PALB2: variants seen among roughly 807,000 people sequenced by gnomAD.
The protein encoded by PALB2 is mutant partner and localizer of BRCA2.
PALB2 carries 82 observed loss-of-function variants against 107.4 expected under a neutral mutation model. The observed-to-expected ratio is 0.76, with a 90% confidence interval of 0.64 to 0.92. PALB2 has a LOEUF of 0.92. Ranked by LOEUF, PALB2 falls within the 40% of genes least tolerant of loss-of-function variation. PALB2 has a pLI of 0.00. For missense variants in PALB2, 1,374 were observed against 1,379.9 expected (o/e 1.00, Z 0.07); for synonymous variants, 489 against 496.8 (o/e 0.98, Z 0.21).
At chr16:23,613,739 G>T (rs1966628890) in intron 11 of PALB2, among the ~76,000 whole-genome samples, 1 of 152,092 alleles carries the variant, frequency 6.6e-6, no homozygotes, top group African/African-American at 2.4e-5. Context: ...AGTCAAGTCT[G>T]ATAACAGGCA....
intron 12 of PALB2, among the ~76,000 whole-genome samples, chr16:23,606,132 T>A (rs1446290760): frequency 1.3e-5 from 2 of 152,174 alleles, no homozygotes; most frequent in African/African-American, 4.8e-5. Context: ...CAGTTATCTT[T>A]ATCTTTAATC....
At chr16:23,624,285 C>G (rs1966830747) in intron 7 of PALB2, among the ~76,000 whole-genome samples, 191 bp from the exon 8 acceptor site, 1 of 152,178 alleles carries the variant, frequency 6.6e-6, no homozygotes, top group African/African-American at 2.4e-5. Context: ...CATAATAGTG[C>G]TTACTGAGCA....
chr16:23,603,444 T>C lies in PALB2; in HGVS notation c.*15A>G, dbSNP rs943559354. 3.7e-6 allele frequency: 6 copies of C among 1,603,028 alleles called. No homozygotes were observed. The African/African-American group carries it at 8.0e-5, about 21-fold the overall frequency. ...CCAATATATCCAGAAAATTGTGTTTTCACTTTACCCTAACTTATGAATAGT... is the reference window on the plus strand; with the variant it reads ...CCAATATATCCAGAAAATTGTGTTTCCACTTTACCCTAACTTATGAATAGT... On this transcript the variant is annotated 3_prime_UTR_variant, in exon 13 of 13. Coordinates refer to ENST00000261584, the MANE Select transcript of PALB2 (RefSeq NM_024675.4).
chr16:23,629,706 G>C lies in PALB2; in HGVS notation c.2448C>G (p.Phe816Leu), dbSNP rs876659879. Residue 816 changes from phenylalanine (F) to leucine (L), a missense_variant, in exon 5 of 13, where the codon TTC (phenylalanine) becomes TTG (leucine). Transcript: ENST00000261584. ...PPGTPPPIES[F>L]TFKENQLCRN... is the part of the protein sequence containing the mutation. ...TACAGAGCTGATTTTCTTTAAAAGT[G>C]AATGACTCAATGGGTGGAGGTGTTC... The C allele has an allele frequency of 2.5e-6, 4 of 1,614,224 alleles. No individual in the cohort carries two copies. The highest frequency in any genetic ancestry group is 1.7e-6 in the Non-Finnish European group (2 of 1,180,038).
Position 23,641,237 on chromosome 16 carries a change from G to A in PALB2, c.-80C>T, listed in dbSNP as rs2140961260. Reference sequence around the variant, plus strand: ...ACCGGGACCCAGTTGGCCCTGGGCCGGGGAGGCGCCCCAGGAAGGAATGGG... The same window carrying A: ...ACCGGGACCCAGTTGGCCCTGGGCCAGGGAGGCGCCCCAGGAAGGAATGGG... On this transcript the variant is annotated 5_prime_UTR_variant, in exon 1 of 13. Transcript: ENST00000261584. The A allele has an allele frequency of 1.9e-6, 3 of 1,548,040 alleles. No homozygotes were observed. The highest frequency in any genetic ancestry group is 1.9e-5 in the Admixed American group (1 of 53,502).
intron 6 of PALB2, 59 bp from the exon 7 acceptor site, chr16:23,626,456 A>T (rs371085248): frequency 6.3e-7 from 1 of 1,577,432 alleles, no homozygotes; most frequent in South Asian, 1.1e-5. Flanking sequence ...TATGCAAAGC[A>T]TAAGTATGCA....
intron 11 of PALB2, among the ~76,000 whole-genome samples, chr16:23,608,797 T>TACACACACACACACACACACAC (rs1310999089): frequency 0.018 from 2,021 of 111,200 alleles, 51 homozygotes; most frequent in African/African-American, 0.058. Context: ...TGTGTGTATA[T>TACACACACACACACACACACAC]ATATACACAC....
Position 23,641,256 on chromosome 16 carries a change from G to A in PALB2, c.-99C>T. 6.8e-7 allele frequency: 1 copy of A among 1,469,748 alleles called. No homozygotes were observed. The highest frequency in any genetic ancestry group is 9.3e-7 in the Non-Finnish European group (1 of 1,072,274). The allele number at this position is 1,469,748 out of a possible 1,614,324, so 91.0% of individuals were successfully genotyped here. ...TGGGCCGGGGAGGCGCCCCAGGAAG[G>A]AATGGGGAGCCCGGGATCGCACCCT... is the stretch of plus-strand genomic sequence containing the variant. On this transcript the variant is annotated 5_prime_UTR_variant, in exon 1 of 13. Coordinates refer to ENST00000261584, the MANE Select transcript of PALB2 (RefSeq NM_024675.4).
rs1597098242 is a variant in PALB2 at position 23,635,741 on chromosome 16, C to T, written c.805G>A (p.Gly269Ser). 6.2e-7 allele frequency: 1 copy of T among 1,614,002 alleles called. No individual in the cohort carries two copies. Among genetic ancestry groups the T allele is most frequent in the Non-Finnish European group, 8.5e-7 (1 of 1,180,046 alleles). Reference sequence around the variant, plus strand: ...TCGTGAGTAGTAAGTTCACTGCTACCTTTAGGAGGAATGTGTTCAAGGTGC... The same window carrying T: ...TCGTGAGTAGTAAGTTCACTGCTACTTTTAGGAGGAATGTGTTCAAGGTGC... ...SQHLEHIPPK[G>S]SSELTTHDLK... The change falls in exon 4 of 13, where the codon GGT becomes AGT. Residue 269 changes from glycine to serine, a missense_variant. Physicochemically the swap from Gly to Ser is moderately conservative, Grantham distance 56. Coordinates refer to ENST00000261584, the MANE Select transcript of PALB2 (RefSeq NM_024675.4).
intron 4 of PALB2, among the ~76,000 whole-genome samples, chr16:23,631,936 T>A (rs1433827082): frequency 1.3e-5 from 2 of 152,150 alleles, no homozygotes; most frequent in Non-Finnish European, 2.9e-5. Context: ...AACCTCTGCC[T>A]CCCAGGCTCA....
At position 23,636,099 on chromosome 16, in the gene PALB2, C is replaced by T. The variant is rs1555461793; in HGVS notation, c.447G>A (p.Lys149=). ...GTGAAATAAATGTCCTCTTCTGCTG[C>T]TTCTTTCTTCTGCTTGGCAGCTTCT... is the stretch of plus-strand genomic sequence containing the variant. ...QKQKLPSRRK[K]QQKRTFISQE... Residue 149 remains lysine, a synonymous_variant, in exon 4 of 13, where the codon AAG becomes AAA. Coordinates refer to ENST00000261584, the MANE Select transcript of PALB2 (RefSeq NM_024675.4). 6.2e-7 allele frequency: 1 copy of T among 1,613,846 alleles called. No individual in the cohort carries two copies. Among genetic ancestry groups the T allele is most frequent in the Non-Finnish European group, 8.5e-7 (1 of 1,179,970 alleles).
chr16:23,638,741 A>G (rs1967128728), intron 1 of PALB2: 1 of 342,626 alleles, frequency 2.9e-6, no homozygotes, highest in African/African-American at 2.2e-5. Context: ...AGATAAACAG[A>G]GTGATATGAG....
Position 23,626,323 on chromosome 16 carries a change from G to A in PALB2, c.2661C>T (p.Ile887=), listed in dbSNP as rs180177120. Residue 887 remains isoleucine, a synonymous_variant, in exon 7 of 13, where the codon ATC becomes ATT. Coordinates refer to ENST00000261584, the MANE Select transcript of PALB2 (RefSeq NM_024675.4). ...WERAGCKEPC[I]ITACEDVVSL... The stretch of plus-strand genomic sequence containing the variant: ...AAACTACATCTTCGCAAGCAGTTAT[G>A]ATACATGGCTCTTTACAACCGGCTC... 1 of 1,614,178 alleles carries A rather than the reference G, an allele frequency of 6.2e-7. No individual in the cohort carries two copies. Among genetic ancestry groups the A allele is most frequent in the Non-Finnish European group, 8.5e-7 (1 of 1,180,030 alleles).
chr16:23,634,461 G>A (rs1379359077), intron 4 of PALB2, among the ~76,000 whole-genome samples: 4 of 151,968 alleles, frequency 2.6e-5, no homozygotes, highest in Non-Finnish European at 4.4e-5. Context: ...ATCAGCCTGG[G>A]CAACAGGGCA....
At chr16:23,625,823 A>T (rs1318069986) in intron 7 of PALB2, among the ~76,000 whole-genome samples, 1 of 151,648 alleles carries the variant, frequency 6.6e-6, no homozygotes, top group African/African-American at 2.4e-5. Flanking sequence ...AAAAAAATAC[A>T]ATAAAAAATT....
At chr16:23,628,682 C>T (rs1966851956) in intron 6 of PALB2, among the ~76,000 whole-genome samples, 1 of 152,172 alleles carries the variant, frequency 6.6e-6, no homozygotes, top group African/African-American at 2.4e-5. Context: ...CTCGCCCAGG[C>T]TGGAGTGCAG....
intron 1 of PALB2, chr16:23,640,868 C>A: frequency 1.9e-6 from 1 of 517,582 alleles, no homozygotes; most frequent in Non-Finnish European, 3.5e-6. Flanking sequence ...ACAGCTTTAT[C>A]TACAAACTGT....
At chr16:23,603,779 C>G in intron 12 of PALB2, 110 bp from the exon 13 acceptor site, 1 of 956,972 alleles carries the variant, frequency 1.0e-6, no homozygotes, top group Non-Finnish European at 1.6e-6. Flanking sequence ...AACAAAAATC[C>G]CTGTAACTAT....
At chr16:23,631,936 TC>T (rs1385829802) in intron 4 of PALB2, among the ~76,000 whole-genome samples, 1 of 152,150 alleles carries the variant, frequency 6.6e-6, no homozygotes, top group Non-Finnish European at 1.5e-5. Context: ...AACCTCTGCC[TC>T]CCAGGCTCAA....
Sources: gnomAD v4.1 joint callset for allele counts (sites outside exome capture counted in the v4.1 genomes callset) on GRCh38, gnomAD v4.1.1 for gene constraint, MANE v1.5 for transcripts, NCBI Gene and HGNC (gene_info 2026-07-23, HGNC 2026-07-21) for gene names.